The following ROBO2 variants were observed in gnomAD, a reference collection of about 807,000 sequenced individuals.
The protein encoded by ROBO2 is roundabout guidance receptor 2, also known as roundabout homolog 2.
ROBO2 carries 53 observed loss-of-function variants against 160.8 expected under a neutral mutation model. That is an observed-to-expected ratio of 0.33 (90% CI 0.26 to 0.41). The LOEUF is 0.41. Ranked by LOEUF, ROBO2 falls within the 10% of genes least tolerant of loss-of-function variation. ROBO2 has a pLI of 1.00. For synonymous variants in ROBO2, 664 were observed against 611.7 expected (o/e 1.09, Z -1.26); for missense variants, 1,577 against 1,722.4 (o/e 0.92, Z 1.49).
intron 2 of ROBO2, among the ~76,000 whole-genome samples, chr3:76,004,620 G>C (rs111560739): frequency 3.5e-4 from 53 of 152,166 alleles, no homozygotes; most frequent in African/African-American, 1.2e-3. Context: ...GATATCTCCG[G>C]GGTCTCTTAT....
At chr3:77,067,014 TCA>T (rs1280274423) in intron 1 of ROBO2, among the ~76,000 whole-genome samples, 2 of 133,046 alleles carry the variant, frequency 1.5e-5, no homozygotes, top group Admixed American at 7.7e-5. Context: ...TCACACACTC[TCA>T]CACACACACA....
At chr3:76,007,552 C>A (rs1297603126) in intron 2 of ROBO2, among the ~76,000 whole-genome samples, 1 of 152,148 alleles carries the variant, frequency 6.6e-6, no homozygotes, top group South Asian at 2.1e-4. Flanking sequence ...AATGCTTTTT[C>A]ATGCATCTGG....
intron 2 of ROBO2, among the ~76,000 whole-genome samples, chr3:76,433,690 T>C (rs1001783988): frequency 2.0e-5 from 3 of 152,224 alleles, no homozygotes; most frequent in African/African-American, 7.2e-5. Flanking sequence ...TATATGTTGC[T>C]GTGTTGACTT....
chr3:75,919,502 T>C (rs2106814226), intron 1 of ROBO2, among the ~76,000 whole-genome samples: 1 of 152,306 alleles, frequency 6.6e-6, no homozygotes, highest in South Asian at 2.1e-4. Flanking sequence ...ATTTTCTTTT[T>C]TTATTGGGTC....
intron 2 of ROBO2, among the ~76,000 whole-genome samples, chr3:76,663,004 G>GA (rs2091890049): frequency 6.6e-6 from 1 of 152,196 alleles, no homozygotes; most frequent in Non-Finnish European, 1.5e-5. Flanking sequence ...TAACACCCAT[G>GA]GAGGTCTTAG....
chr3:76,959,451 G>T (rs1449587341), intron 2 of ROBO2, among the ~76,000 whole-genome samples: 1 of 152,138 alleles, frequency 6.6e-6, no homozygotes, highest in Admixed American at 6.5e-5. Flanking sequence ...CAGACCCATT[G>T]TAGAGGGCCA....
rs143428831 is a variant in ROBO2 at position 76,319,245 on chromosome 3, A to C, written c.109+381643A>C. ...TTACAAAAATAAAATCAAAGTTCCAAAGTCTTTTATTGATGTCTTAAAAAT... is the reference window on the plus strand; with the variant it reads ...TTACAAAAATAAAATCAAAGTTCCACAGTCTTTTATTGATGTCTTAAAAAT... On this transcript the variant is annotated intron_variant, in intron 2 of 26. Transcript: ENST00000487694. 3.4e-3 allele frequency among the ~76,000 whole-genome samples: 510 copies of C among 152,158 alleles called. 6 individuals carry two copies. The highest frequency in any genetic ancestry group is 0.024 in the Admixed American group (372 of 15,274).
At chr3:76,815,653 C>T (rs2065603348) in intron 2 of ROBO2, among the ~76,000 whole-genome samples, 1 of 137,236 alleles carries the variant, frequency 7.3e-6, no homozygotes, top group South Asian at 2.6e-4. Context: ...GGCCTATCTT[C>T]TGGGTAAATT....
chr3:76,842,816 T>C (rs62261823), intron 2 of ROBO2, among the ~76,000 whole-genome samples: 19,469 of 152,134 alleles, frequency 0.13, 1,402 homozygotes, highest in East Asian at 0.24. Flanking sequence ...GCTAAGGACT[T>C]TCCATACATT....
chr3:76,471,100 C>T (rs1007402347), intron 2 of ROBO2, among the ~76,000 whole-genome samples: 3 of 152,084 alleles, frequency 2.0e-5, no homozygotes, highest in African/African-American at 7.2e-5. Flanking sequence ...TAACAGTCTT[C>T]CAGCTGTTTT....
intron 2 of ROBO2, among the ~76,000 whole-genome samples, chr3:76,282,045 A>T (rs1389964686): frequency 6.6e-6 from 1 of 152,010 alleles, no homozygotes; most frequent in Non-Finnish European, 1.5e-5. Flanking sequence ...ACATAGCCTG[A>T]CATCTTTATA....
intron 2 of ROBO2, among the ~76,000 whole-genome samples, chr3:76,650,904 A>G (rs1241325231): frequency 3.3e-5 from 5 of 152,222 alleles, no homozygotes; most frequent in Admixed American, 6.5e-5. Flanking sequence ...TAGTAAAAAC[A>G]TGCACATTAA....
intron 2 of ROBO2, among the ~76,000 whole-genome samples, chr3:76,248,928 A>G (rs969798880): frequency 6.6e-6 from 1 of 152,126 alleles, no homozygotes; most frequent in Non-Finnish European, 1.5e-5. Flanking sequence ...GTACTAGCAC[A>G]GATATGTGTT....
intron 2 of ROBO2, among the ~76,000 whole-genome samples, chr3:76,475,362 C>A (rs1284905806): frequency 1.3e-5 from 2 of 151,974 alleles, no homozygotes; most frequent in Non-Finnish European, 2.9e-5. Flanking sequence ...GAAGGAGAGA[C>A]AATGAGGCCA....
chr3:77,463,236 T>C (rs1188164101), intron 2 of ROBO2, among the ~76,000 whole-genome samples: 1 of 152,118 alleles, frequency 6.6e-6, no homozygotes. Flanking sequence ...CTAGAGCTGG[T>C]TGAAAAGTGA....
At chr3:77,134,506 G>T (rs1315664233) in intron 2 of ROBO2, among the ~76,000 whole-genome samples, 2 of 152,186 alleles carry the variant, frequency 1.3e-5, no homozygotes, top group South Asian at 4.1e-4. Flanking sequence ...GAAGGATAAA[G>T]GTTAACTTAG....
intron 2 of ROBO2, among the ~76,000 whole-genome samples, chr3:76,902,918 T>G (rs531555405): frequency 1.1e-3 from 160 of 152,122 alleles, no homozygotes; most frequent in African/African-American, 3.7e-3. Context: ...CATTGAGCTC[T>G]TGTTTTAATT....
At chr3:77,030,049 T>A (rs1350569942) in intron 2 of ROBO2, among the ~76,000 whole-genome samples, 3 of 151,868 alleles carry the variant, frequency 2.0e-5, no homozygotes, top group South Asian at 2.1e-4. Flanking sequence ...AGTTCACGCC[T>A]TTCTCCTGCC....
chr3:76,147,779 T>G (rs1394521014), intron 2 of ROBO2, among the ~76,000 whole-genome samples: 1 of 151,686 alleles, frequency 6.6e-6, no homozygotes, highest in Non-Finnish European at 1.5e-5. Context: ...TTGGGGTCAT[T>G]GGTCAGGGGA....
Sources: gnomAD v4.1 joint callset for allele counts (sites outside exome capture counted in the v4.1 genomes callset) on GRCh38, gnomAD v4.1.1 for gene constraint, MANE v1.5 for transcripts, NCBI Gene and HGNC (gene_info 2026-07-23, HGNC 2026-07-21) for gene names.